GIGYF2: variants seen among roughly 807,000 people sequenced by gnomAD.
The protein encoded by GIGYF2 is GRB10 interacting GYF protein 2.
In GIGYF2, 25 loss-of-function variants were observed where a neutral mutation model predicts 208.1. The ratio of observed to expected loss-of-function variants is 0.12; its 90% CI spans 0.09 to 0.17. The LOEUF (loss-of-function observed/expected upper bound fraction) is 0.17. Ranked by LOEUF, GIGYF2 falls within the 10% of genes least tolerant of loss-of-function variation. The pLI, the probability that GIGYF2 is intolerant of heterozygous loss-of-function variation, is 1.00. For missense variants in GIGYF2, 1,302 were observed against 1,579.4 expected, an observed-to-expected ratio of 0.82 and a Z score of 2.98; for synonymous variants, 534 against 543.8, an observed-to-expected ratio of 0.98 and a Z score of 0.25.
rs1559436748 is a variant in GIGYF2 at position 232,793,481 on chromosome 2, A to G, written c.1283-1267A>G. On this transcript the variant is annotated intron_variant, in intron 12 of 28. Transcript: ENST00000373563. Reference sequence around the variant, plus strand: ...CGAAAAGAAGAGGGAAGAGCCAAAGAGCCTGAGAGGATTATGGTGCCATTC... The same window carrying G: ...CGAAAAGAAGAGGGAAGAGCCAAAGGGCCTGAGAGGATTATGGTGCCATTC... Among the ~76,000 whole-genome samples the G allele has an allele frequency of 2.0e-5, 3 of 152,276 alleles. No homozygotes were observed. The South Asian group carries it at 6.2e-4, about 32-fold the overall frequency.
intron 6 of GIGYF2, among the ~76,000 whole-genome samples, chr2:232,758,718 G>A (rs184015308): frequency 4.7e-4 from 71 of 152,236 alleles, no homozygotes; most frequent in Non-Finnish European, 2.6e-4. Flanking sequence ...TAAGCTGGAG[G>A]CTATTTTTTA....
intron 12 of GIGYF2, 147 bp from the exon 13 acceptor site, chr2:232,794,601 T>C (rs1272908375): frequency 1.4e-6 from 1 of 718,834 alleles, no homozygotes; most frequent in African/African-American, 1.7e-5. Context: ...AATATTACGT[T>C]TCTCCATAGA....
At chr2:232,777,078 A>G (rs958883327) in intron 8 of GIGYF2, among the ~76,000 whole-genome samples, 1 of 152,096 alleles carries the variant, frequency 6.6e-6, no homozygotes, top group African/African-American at 2.4e-5. Flanking sequence ...ATAGATAATT[A>G]CGTGAAATCT....
In GIGYF2 at chr2:232,774,096, A is replaced by G. The variant is rs1013716674; in HGVS notation, c.532+12660A>G. ...CGGGAATTCAAGACCGATCTGGCCAACATAGCGAGACCCTGTCTCTAAAAG... is the reference window on the plus strand; with the variant it reads ...CGGGAATTCAAGACCGATCTGGCCAGCATAGCGAGACCCTGTCTCTAAAAG... On this transcript the variant is annotated intron_variant, in intron 8 of 28. Coordinates refer to ENST00000373563, the MANE Select transcript of GIGYF2 (RefSeq NM_001103146.3). Among the ~76,000 whole-genome samples the G allele has an allele frequency of 1.6e-4, 24 of 151,682 alleles. 1 individual carries two copies. The highest frequency in any genetic ancestry group is 1.3e-4 in the Non-Finnish European group (9 of 67,902).
chr2:232,779,256 A>G (rs1005793528), intron 8 of GIGYF2, among the ~76,000 whole-genome samples: 15 of 152,222 alleles, frequency 9.9e-5, no homozygotes, highest in Non-Finnish European at 1.6e-4. Flanking sequence ...ATACCTGTTC[A>G]TAGATTGATG....
At chr2:232,734,633 G>A (rs550923296) in intron 2 of GIGYF2, 1 of 156,326 alleles carries the variant, frequency 6.4e-6, no homozygotes, top group South Asian at 1.9e-4. Context: ...GATACACACT[G>A]TCTGTTAAAA....
rs374365974 is a variant in GIGYF2, at chr2:232,790,809, G to T, written c.824G>T (p.Ser275Ile). 65 of 1,614,002 alleles carry T rather than the reference G, an allele frequency of 4.0e-5. No homozygotes were observed. Among genetic ancestry groups the T allele is most frequent in the Non-Finnish European group, 2.8e-5 (33 of 1,179,958 alleles). Residue 275 changes from serine (S) to isoleucine (I), a missense_variant, in exon 10 of 29, where the codon AGT becomes ATT. Ser to Ile is a moderately radical substitution (Grantham distance 142). Transcript: ENST00000373563. ...GGTTACCGAAGGGTTCGCTCTGGCA[G>T]TGGGAGCATAGATGATGACAGGGAT... Reference protein sequence around the residue: ...ERGYRRVRSGSGSIDDDRDSL... With the variant: ...ERGYRRVRSGIGSIDDDRDSL...
intron 22 of GIGYF2, among the ~76,000 whole-genome samples, chr2:232,836,339 T>C (rs867522074): frequency 6.0e-5 from 3 of 50,288 alleles, no homozygotes; most frequent in African/African-American, 8.3e-5. Flanking sequence ...TACATATATA[T>C]ACTTATATAT....
chr2:232,851,952 A>G (rs1690351331), intron 28 of GIGYF2, among the ~76,000 whole-genome samples: 1 of 152,184 alleles, frequency 6.6e-6, no homozygotes, highest in South Asian at 2.1e-4. Context: ...GGATAGAATT[A>G]ACTGGACAAG....
intron 3 of GIGYF2, among the ~76,000 whole-genome samples, chr2:232,739,165 C>G (rs939255412): frequency 4.0e-5 from 6 of 150,996 alleles, no homozygotes; most frequent in South Asian, 4.2e-4. Context: ...TTGAGACCAG[C>G]CTGGCCAACA....
chr2:232,771,552 A>G, intron 8 of GIGYF2: 1 of 529,408 alleles, frequency 1.9e-6, no homozygotes, highest in South Asian at 3.1e-5. Context: ...TTCATTTGGG[A>G]GCTAATTGTG....
chr2:232,839,937 T>C lies in GIGYF2; in HGVS notation c.2855T>C (p.Leu952Pro). ...CTGTCGTTGGCTGAAATCCAAAAAC[T>C]AGAGGAAGAACGAGAACGGCAGCTT... ...ATLSLAEIQK[L>P]EEERERQLRE... The change falls in exon 23 of 29, where the codon CTA becomes CCA. Residue 952 changes from leucine (L) to proline (P), a missense_variant. This residue lies in a region of GIGYF2 where 701 missense variants were observed against 793.0 expected (regional missense o/e 0.88). Coordinates refer to ENST00000373563, the MANE Select transcript of GIGYF2 (RefSeq NM_001103146.3). 1 of 1,613,940 alleles carries C rather than the reference T, an allele frequency of 6.2e-7. No individual in the cohort carries two copies. Among genetic ancestry groups the C allele is most frequent in the Non-Finnish European group, 8.5e-7 (1 of 1,179,938 alleles).
intron 12 of GIGYF2, 49 bp downstream of exon 12, chr2:232,791,495 C>T (rs1385979927): frequency 2.7e-6 from 4 of 1,498,210 alleles, no homozygotes; most frequent in South Asian, 1.2e-5. Context: ...CTGCTGAGGC[C>T]AGTGATCACT....
intron 14 of GIGYF2, among the ~76,000 whole-genome samples, chr2:232,801,069 GA>G (rs535594993): frequency 1.1e-3 from 168 of 151,674 alleles, no homozygotes; most frequent in Non-Finnish European, 1.6e-3. Flanking sequence ...TCTTTAAAAA[GA>G]AAAAAAAGAG....
intron 6 of GIGYF2, among the ~76,000 whole-genome samples, chr2:232,757,560 G>T (rs530163652): frequency 1.3e-5 from 2 of 152,086 alleles, no homozygotes; most frequent in South Asian, 4.1e-4. Context: ...TGGTGGTTTC[G>T]AGTTGGGACT....
chr2:232,826,474 A>G (rs1277145737), intron 21 of GIGYF2, among the ~76,000 whole-genome samples: 2 of 152,144 alleles, frequency 1.3e-5, no homozygotes, highest in Admixed American at 6.5e-5. Flanking sequence ...GCATTTTTTC[A>G]TATGTCTGTT....
At position 232,760,596 on chromosome 2, in the gene GIGYF2, C is replaced by A. The variant is rs372442274; in HGVS notation, c.491+5C>A. 3.9e-5 allele frequency: 61 copies of A among 1,571,558 alleles called. No homozygotes were observed. In the African/African-American group the frequency reaches 6.1e-4, roughly 16 times the overall value. ...ATCGCAGAGCTGGGAGGAAAGGTAA[C>A]TGGATCCACATATTGGCATAAAAAT... On this transcript the variant is annotated splice_donor_5th_base_variant and intron_variant, in intron 7 of 28. Transcript: ENST00000373563.
Position 232,844,522 on chromosome 2 carries a change from G to C in GIGYF2, c.3253G>C (p.Glu1085Gln), listed in dbSNP as rs1283744453. 3 of 1,614,048 alleles carry C rather than the reference G, an allele frequency of 1.9e-6. No homozygotes were observed. The Admixed American group carries it at 5.0e-5, about 27-fold the overall frequency. Residue 1085 changes from glutamate to glutamine, a missense_variant, in exon 25 of 29, where the codon GAG (glutamate) becomes CAG (glutamine). Physicochemically the swap from Glu to Gln is conservative, Grantham distance 29. Transcript: ENST00000373563. ...GGGATTCTGGGATGATGCAGTGAAA[G>C]AGGTGGGACCTAGGAATTCAACAAA... ...NMGFWDDAVK[E>Q]VGPRNSTNKN...
rs1190170335 is a variant in GIGYF2, at chr2:232,791,395, G to A, written c.1231G>A (p.Glu411Lys). 6.2e-7 allele frequency: 1 copy of A among 1,614,066 alleles called. No individual in the cohort carries two copies. Among genetic ancestry groups the A allele is most frequent in the Admixed American group, 1.7e-5 (1 of 60,010 alleles). ...KTEQTEKAEEETRMENSLPAK... is the reference protein window; with the variant it reads ...KTEQTEKAEEKTRMENSLPAK... Reference sequence around the variant, plus strand: ...TGAGCAAACGGAAAAAGCTGAAGAGGAGACTCGGATGGAAAATAGTCTACC... The same window carrying A: ...TGAGCAAACGGAAAAAGCTGAAGAGAAGACTCGGATGGAAAATAGTCTACC... Residue 411 changes from glutamate to lysine, a missense_variant, in exon 12 of 29, where the codon GAG (glutamate) becomes AAG (lysine). Coordinates refer to ENST00000373563, the MANE Select transcript of GIGYF2 (RefSeq NM_001103146.3).
Sources: allele counts gnomAD v4.1 joint callset (sites outside exome capture counted in the v4.1 genomes callset), GRCh38; gene constraint gnomAD v4.1.1; regional missense constraint gnomAD v4.1.1; transcripts MANE v1.5; gene names NCBI Gene and HGNC (gene_info 2026-07-23, HGNC 2026-07-21).